Variants in CLIC5 observed in about 807,000 individuals in gnomAD.
The protein encoded by CLIC5 is CLIC family member 5.
A neutral mutation model predicts 24.7 loss-of-function variants in CLIC5; 20 were observed. The ratio of observed to expected loss-of-function variants is 0.81; its 90% CI spans 0.57 to 1.18. The LOEUF (loss-of-function observed/expected upper bound fraction) is 1.18, where lower values mean the gene tolerates loss of function less well. Among genes scored for constraint, CLIC5 ranks in the 50% most tolerant of loss-of-function variants. The probability of loss-of-function intolerance (pLI) is 0.00; values close to 1 mark genes in which losing one functional copy is unlikely to be tolerated. For synonymous variants in CLIC5, 159 were observed against 135.6 expected (o/e 1.17, Z -1.20); for missense variants, 341 against 326.1 (o/e 1.05, Z -0.35).
chr6:45,988,947 G>A (rs2046288302), intron 1 of CLIC5, among the ~76,000 whole-genome samples: 1 of 152,180 alleles, frequency 6.6e-6, no homozygotes, highest in Non-Finnish European at 1.5e-5. Context: ...AGTCTATGAG[G>A]CTTGGGTTCT....
chr6:46,000,152 T>C (rs1479596372), intron 1 of CLIC5, among the ~76,000 whole-genome samples: 4 of 152,232 alleles, frequency 2.6e-5, no homozygotes, highest in Non-Finnish European at 5.9e-5. Flanking sequence ...TTGACTGTTA[T>C]GTTATCAGTA....
chr6:46,050,983 A>G (rs1253558672), intron 1 of CLIC5, among the ~76,000 whole-genome samples: 1 of 152,158 alleles, frequency 6.6e-6, no homozygotes, highest in African/African-American at 2.4e-5. Context: ...GACTATGGGC[A>G]TGAGCCACTG....
At chr6:45,926,391 G>T (rs1763495676) in intron 4 of CLIC5, among the ~76,000 whole-genome samples, 3 of 151,160 alleles carry the variant, frequency 2.0e-5, no homozygotes, top group Admixed American at 2.0e-4. Context: ...GGGACTACAG[G>T]CACCCGCCAC....
rs754233860 is a variant in CLIC5, at chr6:46,077,562, T to A, written c.540+2141A>T. 9.9e-5 allele frequency among the ~76,000 whole-genome samples: 15 copies of A among 151,966 alleles called. 1 individual carries two copies. The highest frequency in any genetic ancestry group is 2.1e-4 in the Non-Finnish European group (14 of 68,006). Reference sequence around the variant, plus strand: ...GCCCTGTTTTACTCGATTTTATATATTCTACTTCCATTCAACATTGGGTAA... The same window carrying A: ...GCCCTGTTTTACTCGATTTTATATAATCTACTTCCATTCAACATTGGGTAA... On this transcript the variant is annotated intron_variant, in intron 1 of 5. Coordinates refer to the CLIC5 transcript ENST00000185206.
intron 1 of CLIC5, among the ~76,000 whole-genome samples, chr6:46,056,560 C>G (rs1490239789): frequency 6.6e-6 from 1 of 152,122 alleles, no homozygotes; most frequent in Non-Finnish European, 1.5e-5. Flanking sequence ...TTTCCGACTC[C>G]CTGTTCAGTG....
At chr6:46,033,537 GT>G (rs1341489804) in intron 1 of CLIC5, among the ~76,000 whole-genome samples, 4 of 152,148 alleles carry the variant, frequency 2.6e-5, no homozygotes, top group Non-Finnish European at 5.9e-5. Context: ...ACAGAAGAGA[GT>G]TTGGGGGCTG....
the CLIC5 span, among the ~76,000 whole-genome samples, chr6:46,105,826 A>G: frequency 6.6e-6 from 1 of 152,204 alleles, no homozygotes; most frequent in Non-Finnish European, 1.5e-5. Context: ...GGTCACTGGC[A>G]AGAACTACAG....
intron 1 of CLIC5, among the ~76,000 whole-genome samples, chr6:46,076,934 C>T (rs1483634674): frequency 6.6e-6 from 1 of 151,982 alleles, no homozygotes; most frequent in African/African-American, 2.4e-5. Flanking sequence ...GTCAAGAAAT[C>T]GAGACCATCC....
chr6:46,106,159 A>G, the CLIC5 span, among the ~76,000 whole-genome samples: 3 of 152,198 alleles, frequency 2.0e-5, no homozygotes, highest in African/African-American at 7.2e-5. Flanking sequence ...GCTGGAGTGC[A>G]GTGGTGTGAT....
At chr6:46,002,149 T>C (rs1277227086) in intron 1 of CLIC5, among the ~76,000 whole-genome samples, 3 of 152,256 alleles carry the variant, frequency 2.0e-5, no homozygotes, top group Non-Finnish European at 4.4e-5. Flanking sequence ...GAGGACTCGA[T>C]GGAATCCATC....
chr6:46,015,378 C>T, intron 1 of CLIC5, 102 bp downstream of exon 1: 1 of 1,202,404 alleles, frequency 8.3e-7, no homozygotes, highest in Non-Finnish European at 1.1e-6. Context: ...GGCTCCGCGC[C>T]GCCCTCCTGG....
At chr6:46,058,306 T>G (rs1267248586) in intron 1 of CLIC5, among the ~76,000 whole-genome samples, 1 of 152,206 alleles carries the variant, frequency 6.6e-6, no homozygotes, top group African/African-American at 2.4e-5. Context: ...ACACATGTAA[T>G]GCATCAGTGA....
At chr6:46,120,167 C>A in the CLIC5 span, among the ~76,000 whole-genome samples, 1 of 152,208 alleles carries the variant, frequency 6.6e-6, no homozygotes, top group Non-Finnish European at 1.5e-5. Context: ...AGTAGGCTAT[C>A]AGGGAGGCAC....
intron 3 of CLIC5, among the ~76,000 whole-genome samples, chr6:45,945,173 G>A (rs1764250235): frequency 6.6e-6 from 1 of 152,158 alleles, no homozygotes; most frequent in Non-Finnish European, 1.5e-5. Context: ...AACTCCTTGA[G>A]CTTCCATTTA....
intron 1 of CLIC5, among the ~76,000 whole-genome samples, chr6:46,002,497 ACT>A (rs1491585500): frequency 6.6e-6 from 1 of 152,074 alleles, no homozygotes; most frequent in African/African-American, 2.4e-5. Context: ...CAACAGGTAC[ACT>A]TTTTTTTCCC....
chr6:46,053,512 T>C (rs1562026344), intron 1 of CLIC5, among the ~76,000 whole-genome samples: 2 of 152,188 alleles, frequency 1.3e-5, no homozygotes, highest in South Asian at 4.1e-4. Context: ...AGGCCTATAC[T>C]GAACAGTGCT....
downstream of CLIC5, among the ~76,000 whole-genome samples, chr6:45,897,713 G>T (rs959452051): frequency 6.6e-6 from 1 of 152,096 alleles, no homozygotes; most frequent in Non-Finnish European, 1.5e-5. Flanking sequence ...AGGACTCTGG[G>T]AACCTGAACC....
the CLIC5 span, among the ~76,000 whole-genome samples, chr6:46,120,404 AG>A: frequency 6.6e-6 from 1 of 152,372 alleles, no homozygotes. Context: ...ACAAACAGAA[AG>A]GACATCCACA....
chr6:45,922,841 G>GAGAGAGAGAGAA (rs1561935098), intron 4 of CLIC5, among the ~76,000 whole-genome samples: 1 of 151,836 alleles, frequency 6.6e-6, no homozygotes, highest in Non-Finnish European at 1.5e-5. Flanking sequence ...GAGATAGAGA[G>GAGAGAGAGAGAA]AGAGAGAGAG....
Sources: allele counts gnomAD v4.1 joint callset (sites outside exome capture counted in the v4.1 genomes callset), GRCh38; gene constraint gnomAD v4.1.1; transcripts MANE v1.5; gene names NCBI Gene and HGNC (gene_info 2026-07-23, HGNC 2026-07-21).